Variants in JPT1 observed in about 807,000 individuals in gnomAD.
JPT1 encodes androgen-regulated protein 2.
Under a neutral mutation model 17.0 loss-of-function variants are expected in JPT1, and 5 were observed. The ratio of observed to expected loss-of-function variants is 0.29; its 90% confidence interval spans 0.15 to 0.62. The LOEUF (loss-of-function observed/expected upper bound fraction) is 0.62. JPT1 is among the 20% of genes least tolerant of loss of function. JPT1 has a pLI of 0.85. For missense variants in JPT1, 158 were observed against 188.1 expected, an observed-to-expected ratio of 0.84 and a Z score of 0.94; for synonymous variants, 71 against 73.6, an observed-to-expected ratio of 0.96 and a Z score of 0.18.
intron 4 of JPT1, among the ~76,000 whole-genome samples, chr17:75,137,534 T>TTTTTG (rs1568027457): frequency 2.7e-5 from 4 of 150,398 alleles, no homozygotes; most frequent in Non-Finnish European, 4.4e-5. Context: ...TTTTGTTTTT[T>TTTTTG]TTTTTTTTTT....
At chr17:75,145,909 CTACTAAAAA>C (rs1416112787) in intron 4 of JPT1, 1 of 152,076 alleles carries the variant, frequency 6.6e-6, no homozygotes, top group East Asian at 1.9e-4. Context: ...GACCTCATCT[CTACTAAAAA>C]TAAAAACAAA....
rs984335914 is a variant in JPT1 at position 75,150,977 on chromosome 17, T to G, written c.57-2306A>C. On this transcript the variant is annotated intron_variant, in intron 1 of 4. Transcript: ENST00000409753. ...TACACCTTTCTCCTGCCTTAGCCTC[T>G]CGAGAAGCTGGGACTACAGGCGCCC... Among the ~76,000 whole-genome samples, 4 of 149,596 alleles carry G rather than the reference T, an allele frequency of 2.7e-5. No individual in the cohort carries two copies. The South Asian group carries it at 8.7e-4, about 33-fold the overall frequency.
intron 1 of JPT1, chr17:75,149,107 C>T: frequency 8.4e-7 from 1 of 1,186,098 alleles, no homozygotes; most frequent in Non-Finnish European, 1.1e-6. Flanking sequence ...TCCCAGCACC[C>T]TAGGAGGCCA....
intron 1 of JPT1, chr17:75,153,812 T>G (rs1316473228): frequency 6.6e-6 from 1 of 151,338 alleles, no homozygotes; most frequent in African/African-American, 2.4e-5. Flanking sequence ...ACGGCGAGGG[T>G]AAGGAGCCCG....
At chr17:75,151,193 C>T (rs966805610) in intron 1 of JPT1, among the ~76,000 whole-genome samples, 1 of 152,018 alleles carries the variant, frequency 6.6e-6, no homozygotes, top group African/African-American at 2.4e-5. Context: ...TCTATCTGGG[C>T]GTGGTGATGT....
chr17:75,146,298 A>G (rs1344515455), intron 4 of JPT1, among the ~76,000 whole-genome samples: 1 of 152,092 alleles, frequency 6.6e-6, no homozygotes, highest in African/African-American at 2.4e-5. Flanking sequence ...GACTACAGGC[A>G]TGTGCCGCCA....
At chr17:75,153,207 C>G (rs969000225) in intron 1 of JPT1, 1 of 152,204 alleles carries the variant, frequency 6.6e-6, no homozygotes, top group African/African-American at 2.4e-5. Context: ...CCAGACATAA[C>G]TGTAACCCAC....
In JPT1 at chr17:75,140,410, T is replaced by C. The variant is rs191025145; in HGVS notation, c.317-4160A>G. Among the ~76,000 whole-genome samples, 9 of 152,272 alleles carry C rather than the reference T, an allele frequency of 5.9e-5. No homozygotes were observed. The East Asian group carries it at 9.6e-4, about 16-fold the overall frequency. On this transcript the variant is annotated intron_variant, in intron 4 of 4. Transcript: ENST00000409753. ...CTCTATCTGAATAGAAAATGATTCA[T>C]TGTAAGCATCAAAGAATCAGAACTG...
chr17:75,146,591 A>G (rs1443994703), intron 4 of JPT1, 75 bp downstream of exon 4: 7 of 1,146,768 alleles, frequency 6.1e-6, no homozygotes, highest in South Asian at 1.4e-5. Flanking sequence ...TCCCCAAGAC[A>G]TGATTTAAAT....
rs536259648 is a variant in JPT1 at position 75,136,174 on chromosome 17, G to C, written c.393C>G (p.Ser131Arg). ...EKPVPAAPVP[S>R]PVAPAPVPSR... is the part of the protein sequence containing the mutation. ...ATGGCACTGGGGCCGGGGCCACCGG[G>C]CTGGGCACAGGCGCAGCAGGCACGG... The change falls in exon 5 of 5, where the codon AGC (serine) becomes AGG (arginine). Residue 131 changes from serine (S) to arginine (R), a missense_variant. By Grantham distance (110) the Ser-to-Arg change is moderately radical. Coordinates refer to ENST00000409753, the MANE Select transcript of JPT1 (RefSeq NM_016185.4). The C allele has an allele frequency of 6.2e-7, 1 of 1,614,166 alleles. No individual in the cohort carries two copies. The highest frequency in any genetic ancestry group is 1.1e-5 in the South Asian group (1 of 91,084).
At position 75,135,963 on chromosome 17, in the gene JPT1, GAAAAA is replaced by G. The variant is rs370016046; in HGVS notation, c.*134_*138del. On this transcript the variant is annotated 3_prime_UTR_variant, in exon 5 of 5. Transcript: ENST00000409753. ...ACAGAGAGAAACCTGTTCTTCAAAA[GAAAAA>G]AAAAAAAGACAGCAGTACATAAAGT... 1.7e-6 allele frequency: 2 copies of G among 1,185,704 alleles called. No individual in the cohort carries two copies. Among genetic ancestry groups the G allele is most frequent in the East Asian group, 5.6e-5 (2 of 35,436 alleles). 73.4% of individuals were successfully genotyped at this position (1,185,704 alleles called of 1,614,324 possible). A position where few individuals can be genotyped will look rare whatever the true frequency, so the allele number is the denominator to read the frequency against.
intron 4 of JPT1, among the ~76,000 whole-genome samples, chr17:75,144,730 G>A (rs1358001096): frequency 2.6e-5 from 4 of 152,104 alleles, no homozygotes; most frequent in Non-Finnish European, 2.9e-5. Context: ...CCCTCAACCT[G>A]CTGAATCTGA....
intron 4 of JPT1, among the ~76,000 whole-genome samples, chr17:75,137,685 CTTTTTTTTTTTTTT>C (rs60118585): frequency 8.9e-4 from 100 of 112,834 alleles, no homozygotes; most frequent in South Asian, 1.2e-3. Context: ...CCTAGTTTTC[CTTTTTTTTTTTTTT>C]TTTTTTTTTT....
intron 4 of JPT1, among the ~76,000 whole-genome samples, chr17:75,142,417 G>A (rs116871846): frequency 0.056 from 8,487 of 150,712 alleles, 353 homozygotes; most frequent in East Asian, 0.11. Flanking sequence ...AAAATTAGCC[G>A]GGCGTGGTGG....
chr17:75,143,904 G>T (rs753920103), intron 4 of JPT1, among the ~76,000 whole-genome samples: 7 of 152,084 alleles, frequency 4.6e-5, no homozygotes, highest in Non-Finnish European at 8.8e-5. Context: ...GCTGGGCACA[G>T]TGGCTCACTT....
intron 4 of JPT1, among the ~76,000 whole-genome samples, chr17:75,142,535 G>GA (rs1345122588): frequency 6.9e-6 from 1 of 144,814 alleles, no homozygotes; most frequent in Non-Finnish European, 1.5e-5. Flanking sequence ...CTCCAGCCTG[G>GA]ACAACAAGAG....
In JPT1 at chr17:75,147,392, C is replaced by T. The variant is rs1307605194; in HGVS notation, c.297+164G>A. 3.3e-5 allele frequency: 19 copies of T among 575,984 alleles called. 1 individual carries two copies. Among genetic ancestry groups the T allele is most frequent in the South Asian group, 2.9e-4 (13 of 44,560 alleles). 35.7% of individuals were successfully genotyped at this position (575,984 alleles called of 1,614,324 possible). A position where few individuals can be genotyped will look rare whatever the true frequency, so the allele number is the denominator to read the frequency against. On this transcript the variant is annotated intron_variant, in intron 3 of 4. Coordinates refer to ENST00000409753, the MANE Select transcript of JPT1 (RefSeq NM_016185.4). ...CAGAAACAGACTGAGACCATGTTAA[C>T]ACACTTCTATGATTTTACTATCAAT...
At chr17:75,147,279 T>C (rs772177185) in intron 3 of JPT1, among the ~76,000 whole-genome samples, 3 of 152,164 alleles carry the variant, frequency 2.0e-5, no homozygotes, top group Non-Finnish European at 4.4e-5. Context: ...AATGCTTCTA[T>C]ATATGAGACA....
chr17:75,148,550 CTTGA>C lies in JPT1; in HGVS notation c.174_177del (p.Asn58LysfsTer38). The C allele has an allele frequency of 6.2e-7, 1 of 1,614,158 alleles. No individual in the cohort carries two copies. Among genetic ancestry groups the C allele is most frequent in the Non-Finnish European group, 8.5e-7 (1 of 1,180,034 alleles). On this transcript the variant is annotated frameshift_variant, in exon 2 of 5. Coordinates refer to ENST00000409753, the MANE Select transcript of JPT1 (RefSeq NM_016185.4). LOFTEE classifies it high-confidence loss of function. ...GTACCTGCTGACTTGGCCCAAGAAGCTTGATTTTCTTCAGGTGTCCCAAAGATAT... is the reference window on the plus strand; with the variant it reads ...GTACCTGCTGACTTGGCCCAAGAAGCTTTTCTTCAGGTGTCCCAAAGATAT...
Sources: allele counts gnomAD v4.1 joint callset (sites outside exome capture counted in the v4.1 genomes callset), GRCh38; gene constraint gnomAD v4.1.1; transcripts MANE v1.5; gene names NCBI Gene and HGNC (gene_info 2026-07-23, HGNC 2026-07-21).